ARHGAP8: variants seen among roughly 807,000 people sequenced by gnomAD.
ARHGAP8 encodes rho GTPase-activating protein 8.
Under a neutral mutation model 46.1 loss-of-function variants are expected in ARHGAP8, and 62 were observed. The ratio of observed to expected loss-of-function variants is 1.34; its 90% CI spans 1.10 to 1.66. The LOEUF is 1.66. Among genes scored for constraint, ARHGAP8 ranks in the 40% most tolerant of loss-of-function variants. The pLI is 0.00. For synonymous variants in ARHGAP8, 375 were observed against 243.1 expected, an observed-to-expected ratio of 1.54 and a Z score of -5.05; for missense variants, 923 against 568.4, an observed-to-expected ratio of 1.62 and a Z score of -6.34.
intron 7 of ARHGAP8, among the ~76,000 whole-genome samples, chr22:44,840,257 C>A (rs567813874): frequency 5.3e-5 from 8 of 152,172 alleles, no homozygotes; most frequent in South Asian, 2.1e-4. Context: ...TATTTTCTTG[C>A]GATTCTGGAG....
At chr22:44,827,340 T>TG (rs1313061463) in intron 7 of ARHGAP8, among the ~76,000 whole-genome samples, 1 of 100,160 alleles carries the variant, frequency 1.0e-5, no homozygotes, top group Non-Finnish European at 2.0e-5. Flanking sequence ...GTGGTGGTTT[T>TG]TTTTTTTTTT....
chr22:44,852,213 AAAAAGGAAGG>A (rs1569180869), intron 10 of ARHGAP8, among the ~76,000 whole-genome samples: 1 of 143,536 alleles, frequency 7.0e-6, no homozygotes, highest in African/African-American at 2.5e-5. Context: ...AAAAAAAAAA[AAAAAGGAAGG>A]GAGGAAGGAA....
chr22:44,754,154 C>T (rs576295197), intron 1 of ARHGAP8, among the ~76,000 whole-genome samples: 1 of 152,040 alleles, frequency 6.6e-6, no homozygotes, highest in Non-Finnish European at 1.5e-5. Flanking sequence ...TTTGTGGGAG[C>T]TTAGGAAGGG....
chr22:44,838,139 A>ATTTT (rs1569172273), intron 7 of ARHGAP8, among the ~76,000 whole-genome samples: 3 of 139,064 alleles, frequency 2.2e-5, no homozygotes, highest in African/African-American at 8.1e-5. Context: ...ATGCCTGGCT[A>ATTTT]ATTTTTTTTT....
At chr22:44,847,877 AGGTG>A (rs2069995764) in intron 8 of ARHGAP8, 92 bp from the exon 9 acceptor site, 1 of 1,491,954 alleles carries the variant, frequency 6.7e-7, no homozygotes, top group African/African-American at 1.4e-5. Context: ...GGCCAGCCAC[AGGTG>A]GGTGATGCCG....
intron 5 of ARHGAP8, among the ~76,000 whole-genome samples, chr22:44,818,745 G>C (rs954806594): frequency 5.3e-5 from 8 of 151,682 alleles, no homozygotes; most frequent in African/African-American, 9.7e-5. Flanking sequence ...CAGCCCGGCT[G>C]GAGTGCAGTG....
At chr22:44,861,354 G>A (rs1028689657) in intron 11 of ARHGAP8, among the ~76,000 whole-genome samples, 3 of 152,198 alleles carry the variant, frequency 2.0e-5, no homozygotes, top group East Asian at 1.9e-4. Flanking sequence ...ACCTGGTGGG[G>A]TGTGGTGTTG....
intron 2 of ARHGAP8, among the ~76,000 whole-genome samples, chr22:44,792,883 G>GAA (rs1927808363): frequency 6.6e-6 from 1 of 151,850 alleles, no homozygotes; most frequent in Non-Finnish European, 1.5e-5. Flanking sequence ...GAGTGCAGTG[G>GAA]CGCAATCTCG....
At chr22:44,851,830 C>T (rs1373670342) in intron 10 of ARHGAP8, among the ~76,000 whole-genome samples, 4 of 151,764 alleles carry the variant, frequency 2.6e-5, no homozygotes, top group Admixed American at 2.0e-4. Flanking sequence ...AAGAGCAAGA[C>T]CATGTCCCCA....
intron 6 of ARHGAP8, among the ~76,000 whole-genome samples, chr22:44,824,623 C>CT (rs1056263937): frequency 2.2e-4 from 29 of 133,698 alleles, no homozygotes; most frequent in African/African-American, 8.2e-4. Context: ...TCTTTTCTTT[C>CT]TTCTTCTTTT....
chr22:44,856,470 C>T (rs1474420722), intron 10 of ARHGAP8, among the ~76,000 whole-genome samples: 1 of 151,954 alleles, frequency 6.6e-6, no homozygotes, highest in Admixed American at 6.6e-5. Context: ...GACGGGGTTT[C>T]ACCGTGTTGG....
At chr22:44,860,990 C>G (rs1011608465) in intron 11 of ARHGAP8, among the ~76,000 whole-genome samples, 1 of 126,156 alleles carries the variant, frequency 7.9e-6, no homozygotes, top group Admixed American at 7.9e-5. Context: ...AGGCCCAAAA[C>G]TAAACTCTCC....
chr22:44,780,255 G>A (rs1394585393), intron 1 of ARHGAP8, among the ~76,000 whole-genome samples: 1 of 152,248 alleles, frequency 6.6e-6, no homozygotes, highest in Non-Finnish European at 1.5e-5. Flanking sequence ...TACTCAGGAG[G>A]CTGAGGCAAG....
chr22:44,827,167 G>A (rs911765846), intron 7 of ARHGAP8, among the ~76,000 whole-genome samples: 3 of 151,990 alleles, frequency 2.0e-5, no homozygotes, highest in Non-Finnish European at 4.4e-5. Context: ...CAGAAGCAGA[G>A]GCCGGAGGGG....
intron 10 of ARHGAP8, among the ~76,000 whole-genome samples, chr22:44,851,514 T>G (rs1410696177): frequency 6.6e-6 from 1 of 152,082 alleles, no homozygotes; most frequent in African/African-American, 2.4e-5. Flanking sequence ...CATGGGAACC[T>G]TTATGAAAAT....
intron 3 of ARHGAP8, among the ~76,000 whole-genome samples, chr22:44,805,268 A>G (rs1313705733): frequency 6.6e-6 from 1 of 152,244 alleles, no homozygotes; most frequent in Non-Finnish European, 1.5e-5. Context: ...GCCTGCAAAG[A>G]CAGAAAGCGA....
intron 7 of ARHGAP8, among the ~76,000 whole-genome samples, chr22:44,827,597 C>G (rs1189789021): frequency 6.6e-6 from 1 of 152,112 alleles, no homozygotes; most frequent in Non-Finnish European, 1.5e-5. Context: ...CCTGCCTCGG[C>G]CTCCCAAAGT....
At chr22:44,828,372 T>C (rs1373000839) in intron 7 of ARHGAP8, among the ~76,000 whole-genome samples, 2 of 149,974 alleles carry the variant, frequency 1.3e-5, no homozygotes, top group Non-Finnish European at 3.0e-5. Context: ...GGTCCCCTCC[T>C]GGGGGCACTG....
chr22:44,814,621 G>A, intron 4 of ARHGAP8, 51 bp from the exon 5 acceptor site: 1 of 1,543,442 alleles, frequency 6.5e-7, no homozygotes, highest in African/African-American at 1.4e-5. Context: ...TGGGCGTGGG[G>A]TGTTTCTCGG....
Sources: gnomAD v4.1 joint callset for allele counts (sites outside exome capture counted in the v4.1 genomes callset) on GRCh38, gnomAD v4.1.1 for gene constraint, MANE v1.5 for transcripts, NCBI Gene and HGNC (gene_info 2026-07-23, HGNC 2026-07-21) for gene names.